Variants in PRDM16 observed in about 807,000 individuals in gnomAD.
The protein encoded by PRDM16 is PR/SET domain 16, also known as histone-lysine N-methyltransferase PRDM16.
A neutral mutation model predicts 110.6 loss-of-function variants in PRDM16; 23 were observed. That is an observed-to-expected ratio of 0.21 (90% confidence interval 0.15 to 0.29). PRDM16 has a LOEUF of 0.29. Among genes scored for constraint, PRDM16 ranks in the 10% least tolerant of loss-of-function variants. The pLI is 1.00. For synonymous variants in PRDM16, 799 were observed against 781.8 expected (o/e 1.02, Z -0.37); for missense variants, 1,615 against 1,794.3 (o/e 0.90, Z 1.81).
chr1:3,437,471 G>A lies in PRDM16; in HGVS notation c.*3660G>A, dbSNP rs1638941801. 5 of 229,920 alleles carry A rather than the reference G, an allele frequency of 2.2e-5. No individual in the cohort carries two copies. Among genetic ancestry groups the A allele is most frequent in the Admixed American group, 5.7e-5 (1 of 17,648 alleles). 14.2% of individuals were successfully genotyped at this position (229,920 alleles called of 1,614,324 possible). A position where few individuals can be genotyped will look rare whatever the true frequency, so the allele number is the denominator to read the frequency against. Reference sequence around the variant, plus strand: ...CCTACTGAGCTATATTCACTGTGCTGTCCTAGGGGGAGGGAGAGCAGAGCT... The same window carrying A: ...CCTACTGAGCTATATTCACTGTGCTATCCTAGGGGGAGGGAGAGCAGAGCT... On this transcript the variant is annotated 3_prime_UTR_variant, in exon 17 of 17. Coordinates refer to ENST00000270722, the MANE Select transcript of PRDM16 (RefSeq NM_022114.4).
In PRDM16 at chr1:3,175,961, AC is replaced by A. The variant is rs1644080294; in HGVS notation, c.38-10163del. On this transcript the variant is annotated intron_variant, in intron 1 of 16. Coordinates refer to ENST00000270722, the MANE Select transcript of PRDM16 (RefSeq NM_022114.4). This position sits in a 1 kb window ranked among gnomAD's most constrained non-coding sequence, Gnocchi z 4.8. ...TTGCCCTTACCCCATCCATCCATCC[AC>A]TCACTCACCCATCCATCCATGCAGC... Among the ~76,000 whole-genome samples the A allele has an allele frequency of 3.4e-5, 5 of 147,492 alleles. No individual in the cohort carries two copies. The highest frequency in any genetic ancestry group is 2.0e-4 in the East Asian group (1 of 4,982).
At chr1:3,161,099 C>T (rs1029762165) in intron 1 of PRDM16, among the ~76,000 whole-genome samples, 2 of 152,194 alleles carry the variant, frequency 1.3e-5, no homozygotes, top group African/African-American at 4.8e-5. Context: ...CTGCCCCAGC[C>T]CTTTCCTCTC....
At chr1:3,227,165 G>A (rs895710639) in intron 2 of PRDM16, among the ~76,000 whole-genome samples, 2 of 152,368 alleles carry the variant, frequency 1.3e-5, no homozygotes, top group Admixed American at 6.5e-5. Context: ...TGTGCTCCAA[G>A]CCCCTCATCC....
intron 1 of PRDM16, among the ~76,000 whole-genome samples, chr1:3,171,642 C>T (rs1363555174): frequency 2.6e-5 from 4 of 152,230 alleles, no homozygotes; most frequent in Admixed American, 6.5e-5. Flanking sequence ...GCTGAGCTGG[C>T]TCCTGTCCTG....
intron 1 of PRDM16, among the ~76,000 whole-genome samples, chr1:3,142,039 C>T (rs909861537): frequency 3.9e-5 from 6 of 152,264 alleles, no homozygotes; most frequent in African/African-American, 7.2e-5. Context: ...CACTCTGGCC[C>T]GTGCCAAGCA....
chr1:3,075,693 A>T (rs1641880353), intron 1 of PRDM16, among the ~76,000 whole-genome samples: 1 of 152,284 alleles, frequency 6.6e-6, no homozygotes, highest in Admixed American at 6.5e-5. Context: ...GTGCCGTCCC[A>T]TGCGCGTTTT....
chr1:3,170,668 G>A (rs1249764752), intron 1 of PRDM16, among the ~76,000 whole-genome samples: 1 of 152,168 alleles, frequency 6.6e-6, no homozygotes, highest in Admixed American at 6.5e-5. Context: ...GAGCCAGCCC[G>A]CCTCTGTGCC....
intron 3 of PRDM16, among the ~76,000 whole-genome samples, chr1:3,363,190 G>A (rs530026625): frequency 1.0e-3 from 159 of 152,242 alleles, no homozygotes; most frequent in African/African-American, 3.6e-3. Flanking sequence ...GCTGCTGTCC[G>A]CTCCTGACTG....
chr1:3,095,335 G>A (rs1557442084), intron 1 of PRDM16, among the ~76,000 whole-genome samples: 1 of 152,174 alleles, frequency 6.6e-6, no homozygotes, highest in Non-Finnish European at 1.5e-5. Flanking sequence ...CAAACAACTC[G>A]GTGTGTCTCC....
At chr1:3,076,217 T>TGTCCAGGTGTGC in intron 1 of PRDM16, among the ~76,000 whole-genome samples, 3 of 152,286 alleles carry the variant, frequency 2.0e-5, no homozygotes, top group Middle Eastern at 6.8e-3. Flanking sequence ...CACGTGTGTG[T>TGTCCAGGTGTGC]GTCCAGGTGT....
chr1:3,156,133 A>C (rs548613040), intron 1 of PRDM16, among the ~76,000 whole-genome samples: 1 of 152,178 alleles, frequency 6.6e-6, no homozygotes, highest in East Asian at 1.9e-4. Context: ...CACCTTGCTA[A>C]TATATCTCGT....
intron 3 of PRDM16, among the ~76,000 whole-genome samples, chr1:3,314,349 G>A (rs1641547131): frequency 6.6e-6 from 1 of 152,182 alleles, no homozygotes; most frequent in African/African-American, 2.4e-5. Flanking sequence ...AAAGGAGAGG[G>A]AGAGAGAGAT....
chr1:3,432,874 G>T lies in PRDM16; in HGVS notation c.3696+734G>T, dbSNP rs566085329. On this transcript the variant is annotated intron_variant, in intron 16 of 16. Coordinates refer to ENST00000270722, the MANE Select transcript of PRDM16 (RefSeq NM_022114.4). ...TGCTCCCCAGGTCCCATCCCCACCT[G>T]CCCTGTGCTGGGGGCAGAAGGATGT... Among the ~76,000 whole-genome samples, 355 of 152,320 alleles carry T rather than the reference G, an allele frequency of 2.3e-3. 1 individual carries two copies. Among genetic ancestry groups the T allele is most frequent in the African/African-American group, 7.8e-3 (325 of 41,576 alleles).
chr1:3,431,843 C>A, intron 15 of PRDM16, 123 bp from the exon 16 acceptor site: 2 of 914,304 alleles, frequency 2.2e-6, no homozygotes, highest in Non-Finnish European at 3.4e-6. Flanking sequence ...TCTCCCTGTG[C>A]ATGTGGCTGG....
At chr1:3,172,049 T>G (rs1396768485) in intron 1 of PRDM16, among the ~76,000 whole-genome samples, 1 of 152,184 alleles carries the variant, frequency 6.6e-6, no homozygotes, top group Non-Finnish European at 1.5e-5. Flanking sequence ...CACGATGTCC[T>G]TATGCTGCTG....
intron 4 of PRDM16, among the ~76,000 whole-genome samples, chr1:3,394,223 G>C (rs1479494865): frequency 1.3e-5 from 2 of 152,106 alleles, no homozygotes; most frequent in Non-Finnish European, 1.5e-5. Context: ...ATCTGGCTCG[G>C]TGTGTAGAGA....
rs1638935814 is a variant in PRDM16, at chr1:3,213,071, C to G, written c.387+26597C>G. 6.6e-6 allele frequency among the ~76,000 whole-genome samples: 1 copy of G among 152,232 alleles called. No individual in the cohort carries two copies. Among genetic ancestry groups the G allele is most frequent in the African/African-American group, 2.4e-5 (1 of 41,466 alleles). On this transcript the variant is annotated intron_variant, in intron 2 of 16. Coordinates refer to ENST00000270722, the MANE Select transcript of PRDM16 (RefSeq NM_022114.4). This position sits in a 1 kb window ranked among gnomAD's most constrained non-coding sequence, Gnocchi z 5.3. ...GGTCGGCTCGCCCGCCTGCCGCACG[C>G]TTCCCCGGGAGGCCGAGCTCAGGAA...
intron 3 of PRDM16, among the ~76,000 whole-genome samples, chr1:3,263,014 C>T (rs1003966208): frequency 6.6e-6 from 1 of 152,114 alleles, no homozygotes; most frequent in African/African-American, 2.4e-5. Flanking sequence ...GGAGGTGCCC[C>T]GGCGGATGAG....
rs1263082516 is a variant in PRDM16, at chr1:3,209,177, G to A, written c.387+22703G>A. On this transcript the variant is annotated intron_variant, in intron 2 of 16. Coordinates refer to ENST00000270722, the MANE Select transcript of PRDM16 (RefSeq NM_022114.4). This position sits in a 1 kb window ranked among gnomAD's most constrained non-coding sequence, Gnocchi z 4.6. ...AATATGGGAACATTTTGGTTCCAGG[G>A]GTAAGAAAAAATTAATCATTTATTT... Among the ~76,000 whole-genome samples the A allele has an allele frequency of 3.9e-5, 6 of 152,144 alleles. No homozygotes were observed. Among genetic ancestry groups the A allele is most frequent in the Admixed American group, 6.5e-5 (1 of 15,278 alleles).
Sources: allele counts gnomAD v4.1 joint callset (sites outside exome capture counted in the v4.1 genomes callset), GRCh38; gene constraint gnomAD v4.1.1; non-coding constraint Gnocchi (gnomAD v3.1); transcripts MANE v1.5; gene names NCBI Gene and HGNC (gene_info 2026-07-23, HGNC 2026-07-21).